The following TRAM2 variants were observed in gnomAD, a reference collection of about 807,000 sequenced individuals.
TRAM2 encodes the protein translocation associated membrane protein 2.
A neutral mutation model predicts 51.0 loss-of-function variants in TRAM2; 12 were observed. The ratio of observed to expected loss-of-function variants is 0.24; its 90% CI spans 0.15 to 0.38. The LOEUF (loss-of-function observed/expected upper bound fraction) is 0.38, where lower values mean the gene tolerates loss of function less well. TRAM2 is among the 10% of genes least tolerant of loss of function. TRAM2 has a pLI of 1.00. For synonymous variants in TRAM2, 175 were observed against 179.4 expected, an observed-to-expected ratio of 0.98 and a Z score of 0.20; for missense variants, 361 against 462.0, an observed-to-expected ratio of 0.78 and a Z score of 2.00.
At position 52,504,630 on chromosome 6, in the gene TRAM2, T is replaced by A; in HGVS notation, c.1000A>T (p.Thr334Ser). Residue 334 changes from threonine (T) to serine (S), a missense_variant, in exon 10 of 11, where the codon ACA becomes TCA. Thr to Ser is a moderately conservative substitution (Grantham distance 58). Coordinates refer to ENST00000182527, the MANE Select transcript of TRAM2 (RefSeq NM_012288.4). ...EQSAKRRVPA[T>S]PRLPARLIKR... ...ATGAGCCTGGCTGGTAGTCTGGGTG[T>A]GGCTGGGACTCTCCGCTTTGCACTC... is the stretch of plus-strand genomic sequence containing the variant. 2 of 1,614,098 alleles carry A rather than the reference T, an allele frequency of 1.2e-6. No homozygotes were observed. The highest frequency in any genetic ancestry group is 1.7e-6 in the Non-Finnish European group (2 of 1,180,022).
chr6:52,520,671 T>C (rs1276392993), intron 2 of TRAM2, among the ~76,000 whole-genome samples: 1 of 152,130 alleles, frequency 6.6e-6, no homozygotes, highest in Non-Finnish European at 1.5e-5. Flanking sequence ...TTCACAGAGT[T>C]AAGGGACACA....
At chr6:52,576,622 G>T (rs1174170423) in intron 1 of TRAM2, among the ~76,000 whole-genome samples, 174 bp downstream of exon 1, 1 of 152,178 alleles carries the variant, frequency 6.6e-6, no homozygotes. Flanking sequence ...GTGCTGTCTG[G>T]GCTGGCCGGG....
chr6:52,576,629 C>T (rs1554267543), intron 1 of TRAM2, among the ~76,000 whole-genome samples, 167 bp downstream of exon 1: 2 of 152,142 alleles, frequency 1.3e-5, no homozygotes, highest in Non-Finnish European at 2.9e-5. Flanking sequence ...CTGGGCTGGC[C>T]GGGGTACAGG....
intron 1 of TRAM2, among the ~76,000 whole-genome samples, chr6:52,559,852 T>C (rs77446427): frequency 0.011 from 1,744 of 152,316 alleles, 26 homozygotes; most frequent in African/African-American, 0.038. Flanking sequence ...TCAGACATAA[T>C]TCTTATCTCA....
chr6:52,556,125 C>T (rs896219134), intron 1 of TRAM2, among the ~76,000 whole-genome samples: 2 of 151,886 alleles, frequency 1.3e-5, no homozygotes, highest in Admixed American at 1.3e-4. Context: ...TGAGAAGGGA[C>T]AAGGTGAGGG....
chr6:52,541,199 C>CT (rs2114090381), intron 1 of TRAM2, among the ~76,000 whole-genome samples: 1 of 152,304 alleles, frequency 6.6e-6, no homozygotes, highest in East Asian at 1.9e-4. Flanking sequence ...GACATTTCAC[C>CT]TCTCTAGACC....
intron 1 of TRAM2, among the ~76,000 whole-genome samples, chr6:52,567,941 G>T (rs941284380): frequency 7.2e-5 from 11 of 152,194 alleles, no homozygotes; most frequent in African/African-American, 2.7e-4. Flanking sequence ...TTGGGGAAAG[G>T]TGCCTCTCTC....
At chr6:52,535,710 T>A in intron 2 of TRAM2, 73 bp downstream of exon 2, 6 of 1,380,422 alleles carry the variant, frequency 4.3e-6, no homozygotes, top group South Asian at 3.7e-5. Context: ...TGTACACAGA[T>A]GGGGAAAAGG....
At chr6:52,517,827 A>C (rs1446997976) in intron 2 of TRAM2, among the ~76,000 whole-genome samples, 1 of 152,138 alleles carries the variant, frequency 6.6e-6, no homozygotes, top group African/African-American at 2.4e-5. Flanking sequence ...AGTCAAGCTG[A>C]TTGGGTCACT....
intron 1 of TRAM2, among the ~76,000 whole-genome samples, chr6:52,540,863 G>A (rs75593466): frequency 0.017 from 2,650 of 152,314 alleles, 65 homozygotes; most frequent in African/African-American, 0.061. Context: ...AATGTAAAAG[G>A]AGAACACTGA....
chr6:52,576,073 C>T (rs1562492510), intron 1 of TRAM2, among the ~76,000 whole-genome samples: 1 of 152,080 alleles, frequency 6.6e-6, no homozygotes, highest in Admixed American at 6.5e-5. Flanking sequence ...TCAACTTTCC[C>T]CAAAAAGTGG....
chr6:52,519,423 G>C (rs1229202670), intron 2 of TRAM2, among the ~76,000 whole-genome samples: 1 of 152,028 alleles, frequency 6.6e-6, no homozygotes, highest in African/African-American at 2.4e-5. Context: ...ACCACAACAA[G>C]GTTATCTCCT....
intron 8 of TRAM2, 50 bp downstream of exon 8, chr6:52,505,982 A>G (rs1766341243): frequency 1.3e-6 from 2 of 1,594,110 alleles, no homozygotes; most frequent in African/African-American, 2.7e-5. Context: ...GCCTCGGGGG[A>G]ACCCCTGCCC....
At chr6:52,555,269 C>T (rs1767384251) in intron 1 of TRAM2, among the ~76,000 whole-genome samples, 1 of 150,310 alleles carries the variant, frequency 6.7e-6, no homozygotes, top group Non-Finnish European at 1.5e-5. Context: ...TCCACCTGTG[C>T]CCTGGCTTCT....
chr6:52,573,829 G>A (rs181310974), intron 1 of TRAM2, among the ~76,000 whole-genome samples: 20 of 152,286 alleles, frequency 1.3e-4, no homozygotes, highest in Admixed American at 1.2e-3. Context: ...GCAGACACAA[G>A]GGCTGTGGCT....
intron 2 of TRAM2, among the ~76,000 whole-genome samples, chr6:52,527,473 G>A (rs1382352341): frequency 6.5e-5 from 9 of 138,700 alleles, no homozygotes; most frequent in African/African-American, 2.4e-4. Context: ...TGAAATTCAA[G>A]TAAAGATGTG....
rs1446713897 is a variant in TRAM2, at chr6:52,576,729, G to C, written c.120+67C>G. 1.9e-6 allele frequency: 3 copies of C among 1,574,080 alleles called. No homozygotes were observed. In the Admixed American group the frequency reaches 5.5e-5, roughly 29 times the overall value. On this transcript the variant is annotated intron_variant, in intron 1 of 10. Coordinates refer to ENST00000182527, the MANE Select transcript of TRAM2 (RefSeq NM_012288.4). ...TCAGAGGAGGGCCCGCTGACCTGCA[G>C]GGGTGTGCCGGGCGGTGCACGACAG...
chr6:52,564,405 C>A (rs574641919), intron 1 of TRAM2, among the ~76,000 whole-genome samples: 28 of 152,250 alleles, frequency 1.8e-4, no homozygotes, highest in African/African-American at 6.7e-4. Flanking sequence ...TTCACCACTT[C>A]AACCCTTAAC....
intron 1 of TRAM2, among the ~76,000 whole-genome samples, chr6:52,574,276 G>A (rs796111873): frequency 3.0e-4 from 46 of 152,256 alleles, no homozygotes; most frequent in African/African-American, 1.0e-3. Flanking sequence ...TTGTTTCTCT[G>A]TGGTACCTAC....
Sources: gnomAD v4.1 joint callset for allele counts (sites outside exome capture counted in the v4.1 genomes callset) on GRCh38, gnomAD v4.1.1 for gene constraint, MANE v1.5 for transcripts, NCBI Gene and HGNC (gene_info 2026-07-23, HGNC 2026-07-21) for gene names.